The following MYO10 variants were observed in gnomAD, a reference collection of about 807,000 sequenced individuals.
MYO10 encodes myosin X, also known as unconventional myosin-X.
MYO10 carries 133 observed loss-of-function variants against 257.3 expected under a neutral mutation model. The observed-to-expected ratio is 0.52, with a 90% CI of 0.45 to 0.60. The LOEUF (loss-of-function observed/expected upper bound fraction) is 0.60. Ranked by LOEUF, MYO10 falls within the 20% of genes least tolerant of loss-of-function variation. MYO10 has a pLI of 0.00. For missense variants in MYO10, 2,399 were observed against 2,635.7 expected (o/e 0.91, Z 1.97); for synonymous variants, 1,104 against 1,028.6 (o/e 1.07, Z -1.40).
chr5:16,729,451 C>CTTTTT (rs1331507610), intron 19 of MYO10, among the ~76,000 whole-genome samples: 2 of 150,120 alleles, frequency 1.3e-5, no homozygotes, highest in African/African-American at 4.9e-5. Context: ...GTTGTATTTT[C>CTTTTT]TATTTTTTTT....
intron 27 of MYO10, 122 bp downstream of exon 27, chr5:16,694,249 G>C: frequency 6.9e-7 from 1 of 1,454,344 alleles, no homozygotes; most frequent in Non-Finnish European, 9.3e-7. Flanking sequence ...CTACTGAACT[G>C]AACTATCAGG....
At chr5:16,761,271 G>A (rs891072473) in intron 17 of MYO10, among the ~76,000 whole-genome samples, 193 bp downstream of exon 17, 5 of 152,118 alleles carry the variant, frequency 3.3e-5, no homozygotes, top group Admixed American at 1.3e-4. Flanking sequence ...GATTACAGGC[G>A]TGAGCCACCA....
rs965733870 is a variant in MYO10 at position 16,763,674 on chromosome 5, C to G, written c.1408G>C (p.Glu470Gln). The change falls in exon 13 of 41, where the codon GAA (glutamate) becomes CAA (glutamine). Residue 470 changes from glutamate to glutamine, a missense_variant. This residue lies in a region of MYO10 where 337 missense variants were observed against 446.8 expected (regional missense o/e 0.75). Coordinates refer to ENST00000513610, the MANE Select transcript of MYO10 (RefSeq NM_012334.3). ...EYFNKHIFSL[E>Q]QLEYSREGLV... ...GCTTACCGGCTATATTCTAGTTGTT[C>G]TAAAGAAAAAATATGCTTGTTGAAG... is the stretch of plus-strand genomic sequence containing the variant. The G allele has an allele frequency of 4.5e-5, 73 of 1,609,040 alleles. No individual in the cohort carries two copies. The highest frequency in any genetic ancestry group is 5.4e-5 in the Non-Finnish European group (64 of 1,176,022).
chr5:16,885,396 G>A lies in MYO10; in HGVS notation c.22-7689C>T, dbSNP rs551842323. The stretch of plus-strand genomic sequence containing the variant: ...GCAAAGCAAGGTGCTCATCGGCCGG[G>A]CACAGTGGCTCATGCCTGTAATCCC... On this transcript the variant is annotated intron_variant, in intron 1 of 40. Coordinates refer to ENST00000513610, the MANE Select transcript of MYO10 (RefSeq NM_012334.3). 2.0e-5 allele frequency among the ~76,000 whole-genome samples: 3 copies of A among 152,292 alleles called. No homozygotes were observed. In the South Asian group the frequency reaches 6.2e-4, roughly 32 times the overall value.
intron 4 of MYO10, among the ~76,000 whole-genome samples, chr5:16,786,149 C>T (rs1168794832): frequency 1.3e-5 from 2 of 152,040 alleles, no homozygotes; most frequent in Non-Finnish European, 2.9e-5. Flanking sequence ...AATAGACCAT[C>T]CCTGTGTTAC....
At chr5:16,675,907 T>C in intron 34 of MYO10, 124 bp downstream of exon 34, 1 of 1,213,378 alleles carries the variant, frequency 8.2e-7, no homozygotes, top group Non-Finnish European at 1.1e-6. Flanking sequence ...ATCTTTTCCT[T>C]CCAATTCACG....
At chr5:16,823,543 C>G (rs961674427) in intron 2 of MYO10, among the ~76,000 whole-genome samples, 1 of 129,386 alleles carries the variant, frequency 7.7e-6, no homozygotes, top group Non-Finnish European at 1.6e-5. Context: ...ACAATCTCGG[C>G]TCACTGCAAA....
intron 1 of MYO10, among the ~76,000 whole-genome samples, chr5:16,898,398 C>T (rs1024953665): frequency 1.4e-5 from 2 of 148,068 alleles, no homozygotes; most frequent in Middle Eastern, 3.4e-3. Flanking sequence ...CATACCCATT[C>T]TCAAATTTCT....
chr5:16,858,441 T>TAAAAAAAAA (rs56792705), intron 2 of MYO10, among the ~76,000 whole-genome samples: 12 of 135,302 alleles, frequency 8.9e-5, no homozygotes, highest in African/African-American at 3.2e-4. Context: ...GCTACTTTTG[T>TAAAAAAAAA]AAAAAAAAAA....
intron 2 of MYO10, among the ~76,000 whole-genome samples, chr5:16,822,640 A>T (rs1323100582): frequency 6.6e-6 from 1 of 151,904 alleles, no homozygotes; most frequent in East Asian, 1.9e-4. Flanking sequence ...TGGGTGAGTG[A>T]ACACCTGATT....
chr5:16,780,798 C>A, intron 6 of MYO10, 57 bp from the exon 7 acceptor site: 1 of 1,488,792 alleles, frequency 6.7e-7, no homozygotes, highest in South Asian at 1.2e-5. Context: ...GTGCCATGCT[C>A]AACTAGTCTT....
At chr5:16,873,355 G>C (rs868123377) in intron 2 of MYO10, among the ~76,000 whole-genome samples, 3 of 152,152 alleles carry the variant, frequency 2.0e-5, no homozygotes, top group African/African-American at 7.2e-5. Flanking sequence ...CATGGTCTTG[G>C]GTAGCTCCAC....
chr5:16,832,408 C>G (rs1743188464), intron 2 of MYO10, among the ~76,000 whole-genome samples: 1 of 152,092 alleles, frequency 6.6e-6, no homozygotes. Flanking sequence ...CATTGTAGAA[C>G]AGCTTTCAAA....
Position 16,906,229 on chromosome 5 carries a change from C to T in MYO10, c.22-28522G>A, listed in dbSNP as rs537507632. On this transcript the variant is annotated intron_variant, in intron 1 of 40. Transcript: ENST00000513610. ...GTCCAGAATGGACCCCCCCATTCCT[C>T]AACACCACACCCTGGAATGAGGAGC... Among the ~76,000 whole-genome samples, 24 of 152,284 alleles carry T rather than the reference C, an allele frequency of 1.6e-4. No homozygotes were observed. In the South Asian group the frequency reaches 4.8e-3, roughly 30 times the overall value.
chr5:16,842,364 T>G (rs1743507880), intron 2 of MYO10, among the ~76,000 whole-genome samples: 1 of 152,134 alleles, frequency 6.6e-6, no homozygotes, highest in Admixed American at 6.5e-5. Flanking sequence ...AAGGGGAAAC[T>G]GATCCCCAAA....
At chr5:16,840,712 G>A (rs1024510095) in intron 2 of MYO10, among the ~76,000 whole-genome samples, 6 of 151,574 alleles carry the variant, frequency 4.0e-5, no homozygotes, top group Admixed American at 2.0e-4. Flanking sequence ...CATTTTTGTT[G>A]TGCAATATGC....
intron 18 of MYO10, among the ~76,000 whole-genome samples, chr5:16,757,603 T>C (rs1740573218): frequency 6.6e-6 from 1 of 152,194 alleles, no homozygotes; most frequent in Non-Finnish European, 1.5e-5. Context: ...AGCCATTTAT[T>C]TTTTTAAAAA....
At chr5:16,680,251 T>C in intron 32 of MYO10, 147 bp from the exon 33 acceptor site, 1 of 977,334 alleles carries the variant, frequency 1.0e-6, no homozygotes, top group Non-Finnish European at 1.4e-6. Flanking sequence ...TGTCCTGCCC[T>C]GCACTAGGTA....
At chr5:16,816,834 T>C (rs548949355) in intron 3 of MYO10, among the ~76,000 whole-genome samples, 1 of 143,246 alleles carries the variant, frequency 7.0e-6, no homozygotes, top group Non-Finnish European at 1.5e-5. Context: ...GGCCTTTTTT[T>C]TCTGAGACAG....
Sources: gnomAD v4.1 joint callset for allele counts (sites outside exome capture counted in the v4.1 genomes callset) on GRCh38, gnomAD v4.1.1 for gene constraint, gnomAD v4.1.1 regional missense constraint, MANE v1.5 for transcripts, NCBI Gene and HGNC (gene_info 2026-07-23, HGNC 2026-07-21) for gene names.